RANGAP1: variants seen among roughly 807,000 people sequenced by gnomAD.
RANGAP1 encodes Ran GTPase activating protein 1, also known as ran GTPase-activating protein 1.
Under a neutral mutation model 63.5 loss-of-function variants are expected in RANGAP1, and 38 were observed. The ratio of observed to expected loss-of-function variants is 0.60; its 90% CI spans 0.46 to 0.78. The LOEUF is 0.78. Among genes scored for constraint, RANGAP1 ranks in the 30% least tolerant of loss-of-function variants. The pLI is 0.00. For synonymous variants in RANGAP1, 329 were observed against 310.5 expected (o/e 1.06, Z -0.63); for missense variants, 630 against 740.3 (o/e 0.85, Z 1.73).
At chr22:41,278,572 T>G (rs775212531) in intron 2 of RANGAP1, among the ~76,000 whole-genome samples, 1 of 152,268 alleles carries the variant, frequency 6.6e-6, no homozygotes, top group African/African-American at 2.4e-5. Context: ...CGGAGCTCAA[T>G]GTCTAATTAG....
intron 3 of RANGAP1, among the ~76,000 whole-genome samples, chr22:41,270,635 T>C (rs904737042): frequency 4.6e-5 from 7 of 152,094 alleles, no homozygotes; most frequent in Non-Finnish European, 1.0e-4. Context: ...TTTTGTAGAG[T>C]TGGGAATCTC....
chr22:41,258,035 G>A lies in RANGAP1; in HGVS notation c.687C>T (p.Ala229=), dbSNP rs769559018. The change falls in exon 7 of 16, where the codon GCC becomes GCT. Residue 229 remains alanine, a synonymous_variant. Coordinates refer to ENST00000356244, the MANE Select transcript of RANGAP1 (RefSeq NM_002883.4). ...GCAGGGGGTTGACAGCGAAAGCCTG[G>A]GCCAGGGCAGTGATGCCAGGGTGGT... ...GINHPGITAL[A]QAFAVNPLLR... 73 of 1,613,524 alleles carry A rather than the reference G, an allele frequency of 4.5e-5. No homozygotes were observed. Among genetic ancestry groups the A allele is most frequent in the Non-Finnish European group, 5.7e-5 (67 of 1,179,714 alleles).
chr22:41,264,652 T>A lies in RANGAP1; in HGVS notation c.480+12A>T. The A allele has an allele frequency of 6.2e-7, 1 of 1,607,006 alleles. No homozygotes were observed. Among genetic ancestry groups the A allele is most frequent in the African/African-American group, 1.3e-5 (1 of 74,962 alleles). On this transcript the variant is annotated intron_variant, in intron 5 of 15. Coordinates refer to ENST00000356244, the MANE Select transcript of RANGAP1 (RefSeq NM_002883.4). ...CCAGGGGACTCTGCGGGGAGGGGGC[T>A]GCCACACCCACCTTGCCGCCGCCAA...
At chr22:41,281,719 G>C (rs2035501054) in intron 1 of RANGAP1, 1 of 850,430 alleles carries the variant, frequency 1.2e-6, no homozygotes, top group Non-Finnish European at 1.4e-6. Context: ...AATAGGACAG[G>C]GACAGGGCTG....
chr22:41,250,754 C>A (rs149702096), intron 13 of RANGAP1, among the ~76,000 whole-genome samples: 1 of 152,052 alleles, frequency 6.6e-6, no homozygotes. Flanking sequence ...CTTCCTAGAG[C>A]GGGCTATGGG....
chr22:41,266,460 G>A (rs547145718), intron 4 of RANGAP1, among the ~76,000 whole-genome samples: 1 of 152,172 alleles, frequency 6.6e-6, no homozygotes, highest in Non-Finnish European at 1.5e-5. Flanking sequence ...CTAAAATTTA[G>A]GCAAAACTTG....
In RANGAP1 at chr22:41,256,301, G is replaced by C; in HGVS notation, c.889-11C>G. ...TGACAAGTTCAGCTCCTGAAAATAAGAGGAAGGGTTGGAGGCAGGCAGAAA... is the reference window on the plus strand; with the variant it reads ...TGACAAGTTCAGCTCCTGAAAATAACAGGAAGGGTTGGAGGCAGGCAGAAA... On this transcript the variant is annotated splice_polypyrimidine_tract_variant and intron_variant, in intron 8 of 15. Transcript: ENST00000356244. 4 of 1,613,718 alleles carry C rather than the reference G, an allele frequency of 2.5e-6. No individual in the cohort carries two copies. Among genetic ancestry groups the C allele is most frequent in the Admixed American group, 1.7e-5 (1 of 59,982 alleles).
At chr22:41,266,059 G>T (rs1044191503) in intron 4 of RANGAP1, among the ~76,000 whole-genome samples, 1 of 152,078 alleles carries the variant, frequency 6.6e-6, no homozygotes, top group Non-Finnish European at 1.5e-5. Context: ...AAAATTAGCC[G>T]GGCATGGTGG....
the RANGAP1 span, among the ~76,000 whole-genome samples, chr22:41,300,428 T>TCACACA: frequency 0.041 from 1,457 of 35,820 alleles, 70 homozygotes; most frequent in Non-Finnish European, 0.048. Flanking sequence ...TATTGGGAAC[T>TCACACA]CACACACACA....
At chr22:41,298,645 A>T in the RANGAP1 span, among the ~76,000 whole-genome samples, 1 of 151,696 alleles carries the variant, frequency 6.6e-6, no homozygotes, top group African/African-American at 2.4e-5. Context: ...GATTACGGGC[A>T]TTAGCCACCA....
chr22:41,251,173 G>C, intron 12 of RANGAP1, 64 bp from the exon 13 acceptor site: 1 of 1,348,278 alleles, frequency 7.4e-7, no homozygotes, highest in Non-Finnish European at 1.1e-6. Flanking sequence ...GGGCTCTGAC[G>C]CTAGCTAGGA....
At chr22:41,286,444 G>T (rs1322314985), upstream of RANGAP1, among the ~76,000 whole-genome samples, 1 of 152,242 alleles carries the variant, frequency 6.6e-6, no homozygotes, top group African/African-American at 2.4e-5. Context: ...CGCAGAGACC[G>T]CAGGGAGGTG....
At chr22:41,291,459 A>G in the RANGAP1 span, among the ~76,000 whole-genome samples, 1 of 151,718 alleles carries the variant, frequency 6.6e-6, no homozygotes, top group African/African-American at 2.4e-5. Flanking sequence ...TTAGCCAGGC[A>G]CTGTGGCACG....
intron 12 of RANGAP1, 111 bp downstream of exon 12, chr22:41,252,761 C>A: frequency 7.9e-7 from 1 of 1,268,748 alleles, no homozygotes; most frequent in Non-Finnish European, 1.0e-6. Flanking sequence ...AGCCTCCCTG[C>A]CCCCAGCTGA....
In RANGAP1 at chr22:41,256,769, C is replaced by A; in HGVS notation, c.830G>T (p.Arg277Leu). ...TGCAATGGCAACTGCACCCTTGGAG[C>A]GCACCAGGCAGTCCCCAAAATTAAT... ...EVINFGDCLV[R>L]SKGAVAIADA... The change falls in exon 8 of 16, where the codon CGC becomes CTC. Residue 277 changes from arginine (R) to leucine (L), a missense_variant. Transcript: ENST00000356244. 6.2e-7 allele frequency: 1 copy of A among 1,614,108 alleles called. No homozygotes were observed. The highest frequency in any genetic ancestry group is 8.5e-7 in the Non-Finnish European group (1 of 1,180,034).
chr22:41,253,189 G>C, intron 11 of RANGAP1, 198 bp from the exon 12 acceptor site: 1 of 535,602 alleles, frequency 1.9e-6, no homozygotes, highest in South Asian at 7.0e-5. Context: ...GATGGCTCTT[G>C]GTCCAGGAGC....
intron 1 of RANGAP1, chr22:41,285,071 G>C (rs776417682): frequency 6.6e-6 from 1 of 152,114 alleles, no homozygotes; most frequent in East Asian, 1.9e-4. Context: ...TGGGAGGATC[G>C]CTTGAGCCCA....
chr22:41,258,170 G>A, intron 6 of RANGAP1, 64 bp from the exon 7 acceptor site: 14 of 1,526,218 alleles, frequency 9.2e-6, no homozygotes, highest in Non-Finnish European at 1.2e-5. Context: ...GCAGGCAGGA[G>A]AGCAATTCCA....
rs149438116 is a variant in RANGAP1, at chr22:41,279,465, A to G, written c.112+1468T>C. ...AGCCTGGGTGACAGAGCACGACTCC[A>G]TCTCAAAAAAAAAACAAAAAGAAAA... On this transcript the variant is annotated intron_variant, in intron 2 of 15. Coordinates refer to ENST00000356244, the MANE Select transcript of RANGAP1 (RefSeq NM_002883.4). Among the ~76,000 whole-genome samples the G allele has an allele frequency of 2.8e-3, 423 of 148,890 alleles. 1 individual carries two copies. The highest frequency in any genetic ancestry group is 5.2e-3 in the Non-Finnish European group (348 of 67,194).
Sources: gnomAD v4.1 joint callset for allele counts (sites outside exome capture counted in the v4.1 genomes callset) on GRCh38, gnomAD v4.1.1 for gene constraint, MANE v1.5 for transcripts, NCBI Gene and HGNC (gene_info 2026-07-23, HGNC 2026-07-21) for gene names.